Variants in KCTD16 observed in about 807,000 individuals in gnomAD.
The protein encoded by KCTD16 is BTB/POZ domain-containing protein KCTD16.
A neutral mutation model predicts 33.2 loss-of-function variants in KCTD16; 13 were observed. The observed-to-expected ratio is 0.39, with a 90% CI of 0.25 to 0.62. The LOEUF (loss-of-function observed/expected upper bound fraction) is 0.62. Among genes scored for constraint, KCTD16 ranks in the 20% least tolerant of loss-of-function variants. KCTD16 has a pLI of 0.50. For missense variants in KCTD16, 441 were observed against 525.1 expected, an observed-to-expected ratio of 0.84 and a Z score of 1.57; for synonymous variants, 197 against 195.3, an observed-to-expected ratio of 1.01 and a Z score of -0.07.
chr5:144,329,078 T>A (rs1340388208), intron 3 of KCTD16, among the ~76,000 whole-genome samples: 1 of 152,178 alleles, frequency 6.6e-6, no homozygotes, highest in Non-Finnish European at 1.5e-5. Context: ...TTATTTGAAA[T>A]ATTGTTTGCA....
intron 3 of KCTD16, among the ~76,000 whole-genome samples, chr5:144,305,081 A>G (rs182217577): frequency 2.8e-5 from 4 of 144,474 alleles, no homozygotes; most frequent in Admixed American, 1.5e-4. Context: ...GACATGTGGG[A>G]CACTCCACAT....
intron 3 of KCTD16, among the ~76,000 whole-genome samples, chr5:144,344,530 A>T (rs1295581012): frequency 6.6e-6 from 1 of 151,926 alleles, no homozygotes; most frequent in Non-Finnish European, 1.5e-5. Flanking sequence ...CAACCCCATC[A>T]AAAAGTGGGC....
In KCTD16 at chr5:144,278,655, G is replaced by A. The variant is rs561926164; in HGVS notation, c.832+71109G>A. ...TGGGACTACAGGCGCCCGCCACCGC[G>A]CCCGGCTAATTTTTTGTATTTTTAG... is the stretch of plus-strand genomic sequence containing the variant. On this transcript the variant is annotated intron_variant, in intron 3 of 3. Coordinates refer to ENST00000512467, the MANE Select transcript of KCTD16 (RefSeq NM_020768.4). Among the ~76,000 whole-genome samples, 29 of 151,338 alleles carry A rather than the reference G, an allele frequency of 1.9e-4. 1 individual carries two copies. In the South Asian group the frequency reaches 5.6e-3, roughly 29 times the overall value.
chr5:144,209,411 C>A (rs944699709), intron 3 of KCTD16, among the ~76,000 whole-genome samples: 2 of 152,110 alleles, frequency 1.3e-5, no homozygotes, highest in East Asian at 1.9e-4. Flanking sequence ...TGCTGAGGAA[C>A]AGTTTGTTCT....
Position 144,332,936 on chromosome 5 carries a change from T to TAGA in KCTD16, c.832+125391_832+125392insGAA, listed in dbSNP as rs1752395063. Among the ~76,000 whole-genome samples the TAGA allele has an allele frequency of 3.3e-5, 5 of 152,262 alleles. No homozygotes were observed. The South Asian group carries it at 1.0e-3, about 32-fold the overall frequency. ...TGTTTTGCATGGTAGCAGGCAAGAATATGTGTGCAGGGGAACCATCAGATT... is the reference window on the plus strand; with the variant it reads ...TGTTTTGCATGGTAGCAGGCAAGAATAGAATGTGTGCAGGGGAACCATCAGATT... On this transcript the variant is annotated intron_variant, in intron 3 of 3. Transcript: ENST00000512467.
At chr5:144,456,634 G>A (rs905608602) in intron 3 of KCTD16, among the ~76,000 whole-genome samples, 3 of 152,154 alleles carry the variant, frequency 2.0e-5, no homozygotes, top group Non-Finnish European at 4.4e-5. Context: ...TTTTGTTAAT[G>A]CATGATTCAA....
intron 3 of KCTD16, among the ~76,000 whole-genome samples, chr5:144,473,289 C>T (rs1580991902): frequency 6.6e-6 from 1 of 152,134 alleles, no homozygotes; most frequent in Non-Finnish European, 1.5e-5. Context: ...CTTCCTATAA[C>T]TCCAGATAGT....
chr5:144,319,545 G>C (rs1486720036), intron 3 of KCTD16, among the ~76,000 whole-genome samples: 1 of 152,186 alleles, frequency 6.6e-6, no homozygotes, highest in East Asian at 1.9e-4. Context: ...AGCTTGCCTG[G>C]TTAAACAACA....
intron 3 of KCTD16, among the ~76,000 whole-genome samples, chr5:144,337,732 A>G (rs1008142381): frequency 2.0e-5 from 3 of 152,164 alleles, no homozygotes; most frequent in Non-Finnish European, 4.4e-5. Context: ...CCTACTTCTC[A>G]TCATCATTCA....
In KCTD16 at chr5:144,484,704, A is replaced by T. The variant is rs1165910552; in HGVS notation, c.*10590A>T. 6.6e-6 allele frequency: 1 copy of T among 151,944 alleles called. No individual in the cohort carries two copies. Among genetic ancestry groups the T allele is most frequent in the African/African-American group, 2.4e-5 (1 of 41,418 alleles). The allele number at this position is 151,944 out of a possible 1,614,324, so 9.4% of individuals were successfully genotyped here. ...TGGTACTAATGCTGAGTGGTGACTT[A>T]TTGGGGCCTTGCTCATGTTACTTTT... On this transcript the variant is annotated 3_prime_UTR_variant, in exon 4 of 4. Coordinates refer to ENST00000512467, the MANE Select transcript of KCTD16 (RefSeq NM_020768.4).
chr5:144,350,881 T>TG (rs1434568570), intron 3 of KCTD16, among the ~76,000 whole-genome samples: 2 of 152,044 alleles, frequency 1.3e-5, no homozygotes, highest in African/African-American at 4.8e-5. Context: ...TCAGATTTTT[T>TG]TTTTTAACTA....
chr5:144,472,024 AT>A (rs1754488006), intron 3 of KCTD16, among the ~76,000 whole-genome samples: 1 of 152,198 alleles, frequency 6.6e-6, no homozygotes, highest in Admixed American at 6.5e-5. Context: ...ATAGGATGTA[AT>A]TTTCCTAATA....
intron 3 of KCTD16, among the ~76,000 whole-genome samples, chr5:144,413,655 G>A (rs73296031): frequency 0.054 from 8,186 of 152,196 alleles, 755 homozygotes; most frequent in African/African-American, 0.19. Flanking sequence ...AAAACGATTC[G>A]TTAGTTATCT....
chr5:144,468,296 T>C (rs1053224349), intron 3 of KCTD16, among the ~76,000 whole-genome samples: 1 of 152,212 alleles, frequency 6.6e-6, no homozygotes, highest in Admixed American at 6.5e-5. Context: ...GTTTGCATTT[T>C]CACTTCTCCC....
chr5:144,196,808 G>C (rs1752948555), intron 2 of KCTD16, among the ~76,000 whole-genome samples: 1 of 152,178 alleles, frequency 6.6e-6, no homozygotes, highest in Non-Finnish European at 1.5e-5. Flanking sequence ...GCAGCTATTG[G>C]AACTGCACAT....
intron 1 of KCTD16, among the ~76,000 whole-genome samples, chr5:144,173,169 C>G (rs192690256): frequency 1.3e-5 from 2 of 152,160 alleles, no homozygotes; most frequent in African/African-American, 4.8e-5. Context: ...ATCATAACTA[C>G]GCATGCATGT....
At chr5:144,172,833 T>A (rs1752423873) in intron 1 of KCTD16, among the ~76,000 whole-genome samples, 1 of 152,220 alleles carries the variant, frequency 6.6e-6, no homozygotes, top group Admixed American at 6.5e-5. Context: ...CAATAATCCA[T>A]CATTATCTAT....
chr5:144,214,860 A>G (rs554930139), intron 3 of KCTD16, among the ~76,000 whole-genome samples: 1 of 152,186 alleles, frequency 6.6e-6, no homozygotes, highest in Non-Finnish European at 1.5e-5. Context: ...GTGAAGCCAG[A>G]AGCTATATCT....
chr5:144,454,255 T>C (rs1420185404), intron 3 of KCTD16, among the ~76,000 whole-genome samples: 2 of 152,228 alleles, frequency 1.3e-5, no homozygotes, highest in East Asian at 3.8e-4. Context: ...GTAACAAGTT[T>C]ATGCAGAACC....
Sources: gnomAD v4.1 joint callset for allele counts (sites outside exome capture counted in the v4.1 genomes callset) on GRCh38, gnomAD v4.1.1 for gene constraint, MANE v1.5 for transcripts, NCBI Gene and HGNC (gene_info 2026-07-23, HGNC 2026-07-21) for gene names.